The following EPHX1 variants were observed in gnomAD, a reference collection of about 807,000 sequenced individuals.
EPHX1 encodes the protein epoxide hydrolase 1.
EPHX1 carries 40 observed loss-of-function variants against 43.2 expected under a neutral mutation model. The observed-to-expected ratio is 0.93, with a 90% CI of 0.72 to 1.21. EPHX1 has a LOEUF of 1.21. Ranked by LOEUF, EPHX1 falls within the 50% of genes most tolerant of loss-of-function variation. The pLI is 0.00. For synonymous variants in EPHX1, 221 were observed against 226.7 expected (o/e 0.98, Z 0.22); for missense variants, 550 against 570.4 (o/e 0.96, Z 0.36).
At chr1:225,810,235 G>T (rs1383904992) in intron 1 of EPHX1, 66 bp downstream of exon 1, 2 of 151,312 alleles carry the variant, frequency 1.3e-5, no homozygotes, top group African/African-American at 4.8e-5. Context: ...CTCCGCGCGG[G>T]CTCGGCCGCC....
chr1:225,813,741 C>T (rs763606999), intron 1 of EPHX1, among the ~76,000 whole-genome samples: 5 of 152,182 alleles, frequency 3.3e-5, no homozygotes, highest in Non-Finnish European at 4.4e-5. Context: ...GTGTGGAGTC[C>T]TCATGCCCAC....
intron 3 of EPHX1, among the ~76,000 whole-genome samples, chr1:225,837,857 A>G (rs563981134): frequency 1.6e-4 from 24 of 152,338 alleles, no homozygotes; most frequent in Admixed American, 5.9e-4. Flanking sequence ...TCATTTGGTA[A>G]TCAGAAAAAG....
chr1:225,837,827 A>C (rs2740171), intron 3 of EPHX1, among the ~76,000 whole-genome samples: 114,462 of 152,166 alleles, frequency 0.75, 43,472 homozygotes, highest in East Asian at 0.88. Flanking sequence ...GCCCAAAAAT[A>C]CTCCACTTTA....
intron 1 of EPHX1, among the ~76,000 whole-genome samples, chr1:225,824,807 G>A (rs1310728927): frequency 2.6e-5 from 4 of 152,190 alleles, no homozygotes; most frequent in African/African-American, 7.2e-5. Context: ...AGCGCAAGGC[G>A]GCAGCGGGGT....
At chr1:225,837,428 A>G (rs943656310) in intron 3 of EPHX1, among the ~76,000 whole-genome samples, 4 of 152,222 alleles carry the variant, frequency 2.6e-5, no homozygotes, top group East Asian at 1.9e-4. Context: ...AGAGGCCCCA[A>G]GTCAGTCCAG....
chr1:225,828,987 C>A, intron 2 of EPHX1, 75 bp downstream of exon 2: 5 of 1,510,812 alleles, frequency 3.3e-6, no homozygotes, highest in Non-Finnish European at 3.6e-6. Flanking sequence ...GGGTCTTAGG[C>A]CAGATGCGGG....
chr1:225,832,160 G>A (rs1667641527), intron 3 of EPHX1: 3 of 632,344 alleles, frequency 4.7e-6, no homozygotes, highest in Non-Finnish European at 8.5e-6. Context: ...AGCTAGGCAG[G>A]AACACATACA....
At chr1:225,841,601 CTT>C (rs35827447) in intron 6 of EPHX1, among the ~76,000 whole-genome samples, 13 of 104,398 alleles carry the variant, frequency 1.2e-4, no homozygotes, top group Admixed American at 1.1e-4. Context: ...CTGTCCCAGC[CTT>C]TTTTTTTTTT....
intron 1 of EPHX1, among the ~76,000 whole-genome samples, chr1:225,827,100 G>A (rs1031193808): frequency 2.6e-5 from 4 of 152,202 alleles, no homozygotes. Flanking sequence ...CCCAATTCTA[G>A]GTTTAGAGGG....
chr1:225,820,437 G>A (rs1666931409), intron 1 of EPHX1, among the ~76,000 whole-genome samples: 1 of 152,078 alleles, frequency 6.6e-6, no homozygotes, highest in African/African-American at 2.4e-5. Flanking sequence ...TTTACAGAAG[G>A]GTAATCTGAA....
In EPHX1 at chr1:225,811,139, G is replaced by C. The variant is rs375681177; in HGVS notation, c.-6+970G>C. On this transcript the variant is annotated intron_variant, in intron 1 of 8. Coordinates refer to ENST00000272167, the MANE Select transcript of EPHX1 (RefSeq NM_001136018.4). ...AGTTCACCTTGTAGTTGAAGCCAGGGAATGTGGTCAACCTGAGCAAAAGCG... is the reference window on the plus strand; with the variant it reads ...AGTTCACCTTGTAGTTGAAGCCAGGCAATGTGGTCAACCTGAGCAAAAGCG... Among the ~76,000 whole-genome samples the C allele has an allele frequency of 2.0e-5, 3 of 152,256 alleles. No individual in the cohort carries two copies. The East Asian group carries it at 5.8e-4, about 29-fold the overall frequency.
chr1:225,837,273 G>C (rs1156849910), intron 3 of EPHX1, among the ~76,000 whole-genome samples: 2 of 152,222 alleles, frequency 1.3e-5, no homozygotes, highest in African/African-American at 4.8e-5. Context: ...CGACAGAACA[G>C]AACATTAGCT....
Position 225,839,921 on chromosome 1 carries a change from T to G in EPHX1, c.815T>G (p.Leu272Arg), listed in dbSNP as rs1668256012. Residue 272 changes from leucine (L) to arginine (R), a missense_variant, in exon 6 of 9, where the codon CTT becomes CGT. Physicochemically the swap from Leu to Arg is moderately radical, Grantham distance 102 (BLOSUM62 -2). Transcript: ENST00000272167. ...CTGGGACAGCGTTTCGGGAGGTTTC[T>G]TGGCCTCACTGAGAGGGATGTGGAG... ...LLLGQRFGRF[L>R]GLTERDVELL... is the part of the protein sequence containing the mutation. 1.9e-6 allele frequency: 3 copies of G among 1,614,138 alleles called. No homozygotes were observed. The African/African-American group carries it at 4.0e-5, about 22-fold the overall frequency.
At chr1:225,831,580 C>T (rs1019931886) in intron 2 of EPHX1, among the ~76,000 whole-genome samples, 199 bp from the exon 3 acceptor site, 9 of 151,312 alleles carry the variant, frequency 5.9e-5, no homozygotes, top group Admixed American at 2.6e-4. Flanking sequence ...AAAAGAAATG[C>T]GAAGTCTACA....
chr1:225,828,671 G>C, intron 1 of EPHX1, 54 bp from the exon 2 acceptor site: 4 of 1,597,230 alleles, frequency 2.5e-6, no homozygotes, highest in Non-Finnish European at 3.4e-6. Flanking sequence ...TCTCTGGGCT[G>C]TCAGGGCCGG....
At chr1:225,831,628 G>GAGTC (rs1389181629) in intron 2 of EPHX1, 151 bp from the exon 3 acceptor site, 12 of 723,494 alleles carry the variant, frequency 1.7e-5, no homozygotes, top group Non-Finnish European at 2.8e-5. Context: ...TCCGCTTTGG[G>GAGTC]AGTAGCCAGT....
chr1:225,834,135 G>C (rs980591387), intron 3 of EPHX1, among the ~76,000 whole-genome samples: 1 of 147,768 alleles, frequency 6.8e-6, no homozygotes, highest in Non-Finnish European at 1.5e-5. Context: ...AGCCGGGTGC[G>C]GTGGCTCACA....
chr1:225,810,808 G>T (rs1177608444), intron 1 of EPHX1, among the ~76,000 whole-genome samples: 1 of 151,908 alleles, frequency 6.6e-6, no homozygotes, highest in African/African-American at 2.4e-5. Flanking sequence ...TTTTGAGCCA[G>T]GATGAGCCAG....
Position 225,831,552 on chromosome 1 carries a change from A to T in EPHX1, c.184-227A>T, listed in dbSNP as rs74723809. On this transcript the variant is annotated intron_variant, in intron 2 of 8. Coordinates refer to ENST00000272167, the MANE Select transcript of EPHX1 (RefSeq NM_001136018.4). ...ACAGAGTGAGACCCTATCTCAAAAAAAAAAAAAGAAAAAAGAAAAAAGAAA... is the reference window on the plus strand; with the variant it reads ...ACAGAGTGAGACCCTATCTCAAAAATAAAAAAAGAAAAAAGAAAAAAGAAA... Among the ~76,000 whole-genome samples, 77 of 106,268 alleles carry T rather than the reference A, an allele frequency of 7.2e-4. 1 individual carries two copies. Among genetic ancestry groups the T allele is most frequent in the South Asian group, 1.5e-3 (4 of 2,738 alleles). 69.7% of individuals were successfully genotyped at this position (106,268 alleles called of 152,430 possible). A position where few individuals can be genotyped will look rare whatever the true frequency, so the allele number is the denominator to read the frequency against.
Sources: allele counts gnomAD v4.1 joint callset (sites outside exome capture counted in the v4.1 genomes callset), GRCh38; gene constraint gnomAD v4.1.1; transcripts MANE v1.5; gene names NCBI Gene and HGNC (gene_info 2026-07-23, HGNC 2026-07-21).